ADAMTS6: variants seen among roughly 807,000 people sequenced by gnomAD.
The protein encoded by ADAMTS6 is A disintegrin and metalloproteinase with thrombospondin motifs 6.
A neutral mutation model predicts 144.3 loss-of-function variants in ADAMTS6; 23 were observed. That is an observed-to-expected ratio of 0.16 (90% CI 0.11 to 0.23). ADAMTS6 has a LOEUF of 0.23. ADAMTS6 is among the 10% of genes least tolerant of loss of function. The pLI, the probability that ADAMTS6 is intolerant of heterozygous loss-of-function variation, is 1.00. For missense variants in ADAMTS6, 999 were observed against 1,379.6 expected, an observed-to-expected ratio of 0.72 and a Z score of 4.37; for synonymous variants, 444 against 457.5, an observed-to-expected ratio of 0.97 and a Z score of 0.38.
chr5:65,301,306 A>G (rs896506239), intron 9 of ADAMTS6, among the ~76,000 whole-genome samples: 1 of 152,240 alleles, frequency 6.6e-6, no homozygotes, highest in Non-Finnish European at 1.5e-5. Flanking sequence ...AATATTACTA[A>G]GAAAATAAAT....
At position 65,184,803 on chromosome 5, in the gene ADAMTS6, C is replaced by CT. The variant is rs76185800; in HGVS notation, c.2910+3212dup. On this transcript the variant is annotated intron_variant, in intron 22 of 24. Coordinates refer to ENST00000381055, the MANE Select transcript of ADAMTS6 (RefSeq NM_197941.4). ...GCCATTTTCCGCCAAGGTAATTTAA[C>CT]TTTTTTTTTTTTCCTTTTGCCATAA... 3.6e-3 allele frequency among the ~76,000 whole-genome samples: 534 copies of CT among 147,754 alleles called. 3 individuals carry two copies. Among genetic ancestry groups the CT allele is most frequent in the African/African-American group, 0.011 (453 of 40,478 alleles).
At chr5:65,162,722 C>A (rs1752858946) in intron 24 of ADAMTS6, among the ~76,000 whole-genome samples, 1 of 151,376 alleles carries the variant, frequency 6.6e-6, no homozygotes, top group Admixed American at 6.6e-5. Flanking sequence ...ATATAAAGGG[C>A]CTAACATAAT....
chr5:65,359,672 C>A (rs754258998), intron 7 of ADAMTS6, among the ~76,000 whole-genome samples: 8 of 152,060 alleles, frequency 5.3e-5, no homozygotes, highest in Non-Finnish European at 1.0e-4. Flanking sequence ...CAATGAAATA[C>A]TATTCAGCCT....
intron 14 of ADAMTS6, among the ~76,000 whole-genome samples, chr5:65,249,478 G>GTTT (rs1484038256): frequency 6.6e-6 from 1 of 152,182 alleles, no homozygotes; most frequent in African/African-American, 2.4e-5. Context: ...CTAGGATGAA[G>GTTT]GTTAAACACT....
chr5:65,290,362 C>A (rs1023367196), intron 11 of ADAMTS6, among the ~76,000 whole-genome samples: 1 of 152,054 alleles, frequency 6.6e-6, no homozygotes, highest in Non-Finnish European at 1.5e-5. Context: ...ACCAGCCTGG[C>A]CAACATGGCA....
chr5:65,456,422 T>G (rs1272938735), intron 4 of ADAMTS6, among the ~76,000 whole-genome samples: 1 of 152,222 alleles, frequency 6.6e-6, no homozygotes, highest in African/African-American at 2.4e-5. Context: ...TTTTAACTTT[T>G]TGATCAATAT....
At chr5:65,405,663 T>C (rs1221758245) in intron 7 of ADAMTS6, among the ~76,000 whole-genome samples, 2 of 152,206 alleles carry the variant, frequency 1.3e-5, no homozygotes, top group East Asian at 1.9e-4. Context: ...TTTAAAGTAG[T>C]TTTTTCCAAT....
intron 22 of ADAMTS6, 37 bp downstream of exon 22, chr5:65,187,978 AT>A (rs1303819522): frequency 1.2e-6 from 2 of 1,603,522 alleles, no homozygotes; most frequent in South Asian, 2.2e-5. Flanking sequence ...TAGTTAGGAC[AT>A]TTCAAAACAT....
chr5:65,160,147 C>T (rs781224919), intron 24 of ADAMTS6, among the ~76,000 whole-genome samples: 1 of 152,070 alleles, frequency 6.6e-6, no homozygotes, highest in Non-Finnish European at 1.5e-5. Flanking sequence ...GATCTCAATA[C>T]GTCTCCCCAA....
intron 24 of ADAMTS6, among the ~76,000 whole-genome samples, chr5:65,160,945 C>T (rs1210444994): frequency 4.6e-5 from 7 of 152,204 alleles, no homozygotes; most frequent in African/African-American, 1.7e-4. Context: ...AGCCACCATG[C>T]CCGGCCTCTT....
At chr5:65,174,499 C>T (rs1000987120) in intron 22 of ADAMTS6, among the ~76,000 whole-genome samples, 2 of 152,132 alleles carry the variant, frequency 1.3e-5, no homozygotes, top group Non-Finnish European at 2.9e-5. Flanking sequence ...CCCCCGTGGA[C>T]GATCAACGCA....
chr5:65,229,523 G>C (rs1335740408), intron 15 of ADAMTS6, among the ~76,000 whole-genome samples: 3 of 152,050 alleles, frequency 2.0e-5, no homozygotes, highest in African/African-American at 4.8e-5. Flanking sequence ...AGGAAGGTGA[G>C]GGAGCTATAA....
chr5:65,390,232 T>C (rs751771668), intron 7 of ADAMTS6, among the ~76,000 whole-genome samples: 2 of 152,182 alleles, frequency 1.3e-5, no homozygotes, highest in African/African-American at 2.4e-5. Context: ...TCACCTGGTG[T>C]TGTGACTTGC....
At chr5:65,412,495 C>T (rs1755134709) in intron 7 of ADAMTS6, among the ~76,000 whole-genome samples, 1 of 151,992 alleles carries the variant, frequency 6.6e-6, no homozygotes, top group Non-Finnish European at 1.5e-5. Flanking sequence ...AAACAATGCC[C>T]TTTAAGTATT....
chr5:65,207,627 T>C (rs1178166018), intron 20 of ADAMTS6, among the ~76,000 whole-genome samples: 1 of 152,204 alleles, frequency 6.6e-6, no homozygotes, highest in Non-Finnish European at 1.5e-5. Context: ...GGTAGAAAAT[T>C]ATCATGAATA....
In ADAMTS6 at chr5:65,252,473, C is replaced by G. The variant is rs189533407; in HGVS notation, c.1830+8127G>C. 6.2e-3 allele frequency among the ~76,000 whole-genome samples: 942 copies of G among 151,872 alleles called. 19 individuals are homozygous for G. Among genetic ancestry groups the G allele is most frequent in the African/African-American group, 0.022 (900 of 41,466 alleles). On this transcript the variant is annotated intron_variant, in intron 14 of 24. Coordinates refer to ENST00000381055, the MANE Select transcript of ADAMTS6 (RefSeq NM_197941.4). Reference sequence around the variant, plus strand: ...GGCCAGGCTGGTCTTGAACTCCTGACCTCATGATCCACCTGCCTTGGCCTC... The same window carrying G: ...GGCCAGGCTGGTCTTGAACTCCTGAGCTCATGATCCACCTGCCTTGGCCTC...
intron 22 of ADAMTS6, among the ~76,000 whole-genome samples, chr5:65,182,900 T>A (rs935074214): frequency 2.0e-5 from 3 of 152,290 alleles, no homozygotes; most frequent in East Asian, 1.9e-4. Flanking sequence ...AGTGAATGAC[T>A]GAAAACTACA....
chr5:65,170,677 G>A lies in ADAMTS6; in HGVS notation c.3184C>T (p.Pro1062Ser). Residue 1062 changes from proline to serine, a missense_variant, in exon 24 of 25, where the codon CCT becomes TCT. By Grantham distance (74) the Pro-to-Ser change is moderately conservative (BLOSUM62 -1). Around this residue, in one of 3 missense-constraint regions of ADAMTS6, gnomAD observed 619 missense variants for 837.0 expected, o/e 0.74. Transcript: ENST00000381055. ...ASSDCLETVRPPSMQQCESKC... is the reference protein window; with the variant it reads ...ASSDCLETVRSPSMQQCESKC... Reference sequence around the variant, plus strand: ...CTTTCACACTGCTGCATTGATGGAGGCCGAACAGTTTCTAGACAGTCACTA... The same window carrying A: ...CTTTCACACTGCTGCATTGATGGAGACCGAACAGTTTCTAGACAGTCACTA... The A allele has an allele frequency of 1.2e-6, 2 of 1,614,134 alleles. No homozygotes were observed.
At position 65,230,300 on chromosome 5, in the gene ADAMTS6, ATATATATATATGAAATATATATAATACAT is replaced by A. The variant is rs1467974081; in HGVS notation, c.1934-4110_1934-4082del. 2.7e-4 allele frequency among the ~76,000 whole-genome samples: 29 copies of A among 108,994 alleles called. 5 individuals carry two copies. The highest frequency in any genetic ancestry group is 4.6e-4 in the Non-Finnish European group (25 of 54,628). 71.5% of individuals were successfully genotyped at this position (108,994 alleles called of 152,430 possible). A position where few individuals can be genotyped will look rare whatever the true frequency, so the allele number is the denominator to read the frequency against. Reference sequence around the variant, plus strand: ...AAATACCTAAAGCATATATATATATATATATATATATGAAATATATATAATACATTATATATATGAAATATATATAATAC... The same window carrying A: ...AAATACCTAAAGCATATATATATATATATATATATGAAATATATATAATAC... On this transcript the variant is annotated intron_variant, in intron 15 of 24. Transcript: ENST00000381055.
Sources: gnomAD v4.1 joint callset for allele counts (sites outside exome capture counted in the v4.1 genomes callset) on GRCh38, gnomAD v4.1.1 for gene constraint, gnomAD v4.1.1 regional missense constraint, MANE v1.5 for transcripts, NCBI Gene and HGNC (gene_info 2026-07-23, HGNC 2026-07-21) for gene names.